TMEM272: variants seen among roughly 807,000 people sequenced by gnomAD.
TMEM272 encodes the protein transmembrane protein 272.
In TMEM272, 8 loss-of-function variants were observed where a neutral mutation model predicts 3.7. That is an observed-to-expected ratio of 2.17 (90% CI 1.27 to 3.91). The LOEUF (loss-of-function observed/expected upper bound fraction) is 3.91, where lower values mean the gene tolerates loss of function less well. TMEM272 is among the 30% of genes most tolerant of loss of function. The pLI, the probability that TMEM272 is intolerant of heterozygous loss-of-function variation, is 0.00. For missense variants in TMEM272, 166 were observed against 91.5 expected (o/e 1.81, Z -3.32); for synonymous variants, 63 against 39.8 (o/e 1.58, Z -2.20).
At chr13:51,852,960 ATG>A in the TMEM272 span, among the ~76,000 whole-genome samples, 3 of 152,156 alleles carry the variant, frequency 2.0e-5, no homozygotes, top group African/African-American at 7.2e-5. Context: ...TCAGAATTCC[ATG>A]TGTAACTTTC....
chr13:51,821,823 A>G (rs976199382), intron 4 of TMEM272, among the ~76,000 whole-genome samples: 2 of 152,156 alleles, frequency 1.3e-5, no homozygotes, highest in African/African-American at 2.4e-5. Flanking sequence ...AGCTTAGCAC[A>G]TTGAACTCAA....
At chr13:51,893,812 T>C in the TMEM272 span, among the ~76,000 whole-genome samples, 1 of 152,192 alleles carries the variant, frequency 6.6e-6, no homozygotes, top group African/African-American at 2.4e-5. Context: ...AAAAGACTGT[T>C]TTTTAAGATG....
the TMEM272 span, among the ~76,000 whole-genome samples, chr13:51,857,554 A>C: frequency 6.6e-6 from 1 of 152,172 alleles, no homozygotes; most frequent in Non-Finnish European, 1.5e-5. Flanking sequence ...TATCAGAGAA[A>C]CAGTAAAGAT....
the TMEM272 span, among the ~76,000 whole-genome samples, chr13:51,874,974 C>CA: frequency 1.3e-3 from 200 of 152,304 alleles, 1 homozygote; most frequent in African/African-American, 4.7e-3. Context: ...TTGCAGAACT[C>CA]AGAGCTGGTT....
chr13:51,823,146 A>T (rs1441875777), intron 3 of TMEM272, among the ~76,000 whole-genome samples: 1 of 152,190 alleles, frequency 6.6e-6, no homozygotes, highest in Non-Finnish European at 1.5e-5. Flanking sequence ...TGATTCAGTC[A>T]CAACTCACTG....
At chr13:51,890,964 A>G in the TMEM272 span, among the ~76,000 whole-genome samples, 1 of 152,216 alleles carries the variant, frequency 6.6e-6, no homozygotes, top group Non-Finnish European at 1.5e-5. Context: ...TGTTGTCATG[A>G]ATGTTGTACA....
the TMEM272 span, among the ~76,000 whole-genome samples, chr13:51,894,598 G>A: frequency 6.6e-6 from 1 of 152,164 alleles, no homozygotes; most frequent in Non-Finnish European, 1.5e-5. Context: ...CCCAGTGGAT[G>A]TTCAAAGGAA....
chr13:51,853,738 T>C, the TMEM272 span, among the ~76,000 whole-genome samples: 1 of 152,172 alleles, frequency 6.6e-6, no homozygotes, highest in Admixed American at 6.5e-5. Flanking sequence ...AATTGGGAAG[T>C]GTAAATGATA....
At chr13:51,865,589 A>C in the TMEM272 span, 2 of 1,614,042 alleles carry the variant, frequency 1.2e-6, no homozygotes, top group South Asian at 1.1e-5. Context: ...AGAGATGTGG[A>C]CTTTCCGAGG....
At chr13:51,821,687 AGC>A (rs67084006) in intron 4 of TMEM272, among the ~76,000 whole-genome samples, 6,691 of 118,842 alleles carry the variant, frequency 0.056, 455 homozygotes, top group South Asian at 0.092. Flanking sequence ...AAAAAAAAAA[AGC>A]AAAAAAAAAA....
At chr13:51,912,052 C>G in the TMEM272 span, among the ~76,000 whole-genome samples, 1 of 152,252 alleles carries the variant, frequency 6.6e-6, no homozygotes, top group Admixed American at 6.5e-5. Flanking sequence ...GCACCTCCCA[C>G]CCTCACCCTA....
chr13:51,903,536 T>C, the TMEM272 span, among the ~76,000 whole-genome samples: 1 of 152,124 alleles, frequency 6.6e-6, no homozygotes, highest in Non-Finnish European at 1.5e-5. Flanking sequence ...AGCCACCAAA[T>C]AGAGGGCAAA....
the TMEM272 span, among the ~76,000 whole-genome samples, chr13:51,915,973 C>T: frequency 7.9e-5 from 12 of 151,924 alleles, no homozygotes; most frequent in Non-Finnish European, 1.3e-4. Flanking sequence ...CTCGGGAGGC[C>T]GAGGCAGGAG....
chr13:51,819,628 T>C lies in TMEM272; in HGVS notation c.201+2427A>G, dbSNP rs530504252. The stretch of plus-strand genomic sequence containing the variant: ...CTCTTCCAATCAATGACCTCTTAAG[T>C]TAGCCAGAGTTGATTTTTTGTTCCT... On this transcript the variant is annotated intron_variant, in intron 4 of 4. Coordinates refer to ENST00000629372, the MANE Select transcript of TMEM272 (RefSeq NM_001351003.2). Among the ~76,000 whole-genome samples, 8 of 152,348 alleles carry C rather than the reference T, an allele frequency of 5.3e-5. No homozygotes were observed. The South Asian group carries it at 8.3e-4, about 16-fold the overall frequency.
At chr13:51,861,828 C>T in the TMEM272 span, among the ~76,000 whole-genome samples, 1 of 152,102 alleles carries the variant, frequency 6.6e-6, no homozygotes, top group Non-Finnish European at 1.5e-5. Flanking sequence ...AAGCCAAAGA[C>T]GAAGAATCTG....
the TMEM272 span, among the ~76,000 whole-genome samples, chr13:51,861,169 A>G: frequency 6.6e-6 from 1 of 152,130 alleles, no homozygotes; most frequent in Non-Finnish European, 1.5e-5. Context: ...AAAGTCAAAT[A>G]CACAGACAAA....
chr13:51,835,228 C>CT (rs202151711), intron 2 of TMEM272, among the ~76,000 whole-genome samples: 20,201 of 72,344 alleles, frequency 0.28, 1,848 homozygotes, highest in East Asian at 0.63. Flanking sequence ...TATTTTCTTT[C>CT]TTTTTTTTTT....
At chr13:51,865,352 A>G in the TMEM272 span, 2 of 1,548,450 alleles carry the variant, frequency 1.3e-6, no homozygotes, top group South Asian at 1.2e-5. Flanking sequence ...GCCGACCTGG[A>G]CCTGGCCAAG....
At chr13:51,839,751 C>T (rs1338724254) in intron 1 of TMEM272, among the ~76,000 whole-genome samples, 1 of 152,158 alleles carries the variant, frequency 6.6e-6, no homozygotes, top group African/African-American at 2.4e-5. Flanking sequence ...TGGCTCATAG[C>T]AGGCAAGTCA....
Sources: gnomAD v4.1 joint callset for allele counts (sites outside exome capture counted in the v4.1 genomes callset) on GRCh38, gnomAD v4.1.1 for gene constraint, MANE v1.5 for transcripts, NCBI Gene and HGNC (gene_info 2026-07-23, HGNC 2026-07-21) for gene names.